The following MTFR1 variants were observed in gnomAD, a reference collection of about 807,000 sequenced individuals.
MTFR1 encodes the protein mitochondrial fission regulator 1.
Under a neutral mutation model 38.8 loss-of-function variants are expected in MTFR1, and 28 were observed. The observed-to-expected ratio is 0.72, with a 90% CI of 0.53 to 0.99. The LOEUF (loss-of-function observed/expected upper bound fraction) is 0.99, where lower values mean the gene tolerates loss of function less well. Ranked by LOEUF, MTFR1 falls within the 50% of genes least tolerant of loss-of-function variation. The pLI is 0.00. For missense variants in MTFR1, 358 were observed against 395.5 expected (o/e 0.91, Z 0.81); for synonymous variants, 145 against 137.0 (o/e 1.06, Z -0.41).
chr8:65,705,343 C>CA (rs1270633069), intron 5 of MTFR1, among the ~76,000 whole-genome samples: 2 of 151,946 alleles, frequency 1.3e-5, no homozygotes, highest in African/African-American at 4.8e-5. Context: ...AAAAAACAAA[C>CA]AAAAAAACCA....
At chr8:65,711,661 A>G (rs1805951842), downstream of MTFR1, among the ~76,000 whole-genome samples, 1 of 152,194 alleles carries the variant, frequency 6.6e-6, no homozygotes, top group African/African-American at 2.4e-5. Context: ...CTTATAAACA[A>G]TCTAGCTCTT....
intron 3 of MTFR1, among the ~76,000 whole-genome samples, chr8:65,754,002 G>A (rs1324476205): frequency 1.3e-5 from 2 of 151,834 alleles, no homozygotes; most frequent in Non-Finnish European, 2.9e-5. Flanking sequence ...GATTAGTTCT[G>A]TCCCTCTAAA....
intron 1 of MTFR1, among the ~76,000 whole-genome samples, chr8:65,654,280 TA>T (rs1451049272): frequency 3.9e-5 from 6 of 152,178 alleles, no homozygotes; most frequent in Non-Finnish European, 8.8e-5. Context: ...GTTTTTTAGT[TA>T]TTTTTAATGG....
At chr8:65,695,181 G>C (rs1805398910) in intron 4 of MTFR1, among the ~76,000 whole-genome samples, 1 of 152,126 alleles carries the variant, frequency 6.6e-6, no homozygotes, top group Non-Finnish European at 1.5e-5. Context: ...ACTGAATTAA[G>C]AAACTGGCAG....
At chr8:65,689,587 C>T in intron 3 of MTFR1, 1 of 1,275,660 alleles carries the variant, frequency 7.8e-7, no homozygotes, top group Non-Finnish European at 1.0e-6. Flanking sequence ...CAGGACCTTG[C>T]TGGGAACCTT....
intron 3 of MTFR1, among the ~76,000 whole-genome samples, chr8:65,688,098 TAAA>T (rs546722264): frequency 1.7e-5 from 2 of 120,870 alleles, no homozygotes; most frequent in Non-Finnish European, 1.7e-5. Flanking sequence ...AGACTCCGTC[TAAA>T]AAAAAAAAAA....
At chr8:65,661,504 G>C (rs183908567) in intron 1 of MTFR1, among the ~76,000 whole-genome samples, 1 of 152,216 alleles carries the variant, frequency 6.6e-6, no homozygotes, top group East Asian at 1.9e-4. Context: ...GGGTGCTGTG[G>C]TGCATGCCTG....
chr8:65,767,765 C>G (rs1322308608), intron 3 of MTFR1, among the ~76,000 whole-genome samples: 1 of 152,112 alleles, frequency 6.6e-6, no homozygotes, highest in African/African-American at 2.4e-5. Flanking sequence ...CCCCTTCCCC[C>G]ATACCTCACC....
chr8:65,690,857 C>T (rs781029000), intron 3 of MTFR1, among the ~76,000 whole-genome samples: 9 of 152,190 alleles, frequency 5.9e-5, no homozygotes, highest in Non-Finnish European at 1.2e-4. Flanking sequence ...AATACCATCT[C>T]TGCTAGGAGC....
At chr8:65,763,712 T>C (rs1488647974) in intron 3 of MTFR1, among the ~76,000 whole-genome samples, 1 of 152,238 alleles carries the variant, frequency 6.6e-6, no homozygotes, top group Non-Finnish European at 1.5e-5. Context: ...AAATTCTTAA[T>C]TCCCTTATTA....
At chr8:65,739,612 G>T in intron 3 of MTFR1, 2 of 1,500,910 alleles carry the variant, frequency 1.3e-6, no homozygotes, top group African/African-American at 1.4e-5. Flanking sequence ...AAAGAAAGAA[G>T]AGACATTACA....
chr8:65,703,968 CT>C (rs1805701137), intron 4 of MTFR1, among the ~76,000 whole-genome samples: 2 of 151,954 alleles, frequency 1.3e-5, no homozygotes, highest in Non-Finnish European at 2.9e-5. Flanking sequence ...AATTCGAGTA[CT>C]TTGGGAGGCC....
At chr8:65,739,469 T>C in intron 3 of MTFR1, 2 of 1,520,794 alleles carry the variant, frequency 1.3e-6, no homozygotes, top group Non-Finnish European at 1.8e-6. Flanking sequence ...TAAATGTAAA[T>C]CTTGTTACTG....
At chr8:65,656,825 C>A (rs935162537) in intron 1 of MTFR1, among the ~76,000 whole-genome samples, 9 of 151,414 alleles carry the variant, frequency 5.9e-5, no homozygotes, top group African/African-American at 2.2e-4. Flanking sequence ...TAAAAAATTT[C>A]TGTGGAGAAG....
At chr8:65,776,266 CAT>C in the MTFR1 span, among the ~76,000 whole-genome samples, 1 of 152,064 alleles carries the variant, frequency 6.6e-6, no homozygotes, top group Non-Finnish European at 1.5e-5. Flanking sequence ...ATCAAATATC[CAT>C]ATATGTGTGG....
intron 3 of MTFR1, among the ~76,000 whole-genome samples, chr8:65,692,817 C>T (rs1237218044): frequency 6.6e-6 from 1 of 151,330 alleles, no homozygotes; most frequent in African/African-American, 2.4e-5. Context: ...TATATAAAAA[C>T]ATTGAACAAA....
At chr8:65,650,641 A>C (rs1002904004) in intron 1 of MTFR1, among the ~76,000 whole-genome samples, 16 of 152,090 alleles carry the variant, frequency 1.1e-4, no homozygotes, top group Non-Finnish European at 2.9e-5. Context: ...CATTCTTTTT[A>C]ATGGCTGAAT....
At chr8:65,736,707 G>T (rs965727416) in intron 3 of MTFR1, among the ~76,000 whole-genome samples, 5 of 151,296 alleles carry the variant, frequency 3.3e-5, no homozygotes, top group African/African-American at 1.2e-4. Context: ...CCATGATCAC[G>T]CCACTGCACT....
intron 3 of MTFR1, chr8:65,724,631 G>T: frequency 2.9e-6 from 2 of 678,464 alleles, no homozygotes; most frequent in African/African-American, 1.8e-5. Flanking sequence ...TCTCCTTTTG[G>T]AAGGAGTGTG....
Sources: gnomAD v4.1 joint callset for allele counts (sites outside exome capture counted in the v4.1 genomes callset) on GRCh38, gnomAD v4.1.1 for gene constraint, MANE v1.5 for transcripts, NCBI Gene and HGNC (gene_info 2026-07-23, HGNC 2026-07-21) for gene names.